Variants in TENM1 observed in about 807,000 individuals in gnomAD.
TENM1 encodes the protein teneurin transmembrane protein 1, also known as teneurin-1.
A neutral mutation model predicts 174.8 loss-of-function variants in TENM1; 35 were observed. The ratio of observed to expected loss-of-function variants is 0.20; its 90% CI spans 0.15 to 0.27. The LOEUF (loss-of-function observed/expected upper bound fraction) is 0.27, where lower values mean the gene tolerates loss of function less well. TENM1 is among the 10% of genes least tolerant of loss of function. TENM1 has a pLI of 1.00. For synonymous variants in TENM1, 781 were observed against 798.7 expected, an observed-to-expected ratio of 0.98 and a Z score of 0.37; for missense variants, 1,633 against 2,130.1, an observed-to-expected ratio of 0.77 and a Z score of 4.59.
the TENM1 span, among the ~76,000 whole-genome samples, chrX:125,004,219 C>T: frequency 9.0e-6 from 1 of 111,712 alleles, no homozygotes; most frequent in Non-Finnish European, 1.9e-5. Flanking sequence ...GGAACCCACT[C>T]CGAGCATTTC....
intron 3 of TENM1, among the ~76,000 whole-genome samples, chrX:124,816,203 G>T (rs191776432): frequency 9.0e-6 from 1 of 111,638 alleles, no homozygotes; most frequent in Non-Finnish European, 1.9e-5. Context: ...GAAGAAAGGA[G>T]ATGATAAAAT....
chrX:124,619,720 T>C (rs759651878), intron 11 of TENM1, among the ~76,000 whole-genome samples: 1 of 111,692 alleles, frequency 9.0e-6, no homozygotes, highest in Non-Finnish European at 1.9e-5. Flanking sequence ...TATGGAAGAG[T>C]GTAAAAAAGT....
intron 4 of TENM1, among the ~76,000 whole-genome samples, chrX:124,716,431 C>T (rs1029494060): frequency 2.7e-5 from 3 of 112,017 alleles, no homozygotes; most frequent in Non-Finnish European, 3.8e-5. Context: ...AAACTTTCCA[C>T]CCATGATCCC....
At chrX:124,923,439 AC>A (rs2058050603) in intron 1 of TENM1, among the ~76,000 whole-genome samples, 1 of 111,782 alleles carries the variant, frequency 8.9e-6, no homozygotes, top group Admixed American at 9.5e-5. Context: ...AAATTTGTCA[AC>A]CCATTTCCAT....
intron 11 of TENM1, among the ~76,000 whole-genome samples, chrX:124,638,799 C>T (rs1346744576): frequency 9.0e-6 from 1 of 111,591 alleles, no homozygotes; most frequent in South Asian, 3.8e-4. Flanking sequence ...ATAGCTGGCC[C>T]CTCTGCCCCA....
At chrX:124,467,138 G>C (rs7879039) in intron 22 of TENM1, among the ~76,000 whole-genome samples, 20,465 of 110,843 alleles carry the variant, frequency 0.18, 1,603 homozygotes, top group Non-Finnish European at 0.24. Context: ...AGTCTAATAA[G>C]CTTTTTGAAA....
intron 25 of TENM1, among the ~76,000 whole-genome samples, chrX:124,419,128 A>C (rs2060623731): frequency 8.9e-6 from 1 of 112,262 alleles, no homozygotes; most frequent in Non-Finnish European, 1.9e-5. Context: ...AATTACTTTC[A>C]AAAAACAGAG....
intron 20 of TENM1, among the ~76,000 whole-genome samples, chrX:124,494,789 T>C (rs990469962): frequency 2.1e-4 from 23 of 108,802 alleles, no homozygotes; most frequent in Non-Finnish European, 3.4e-4. Flanking sequence ...TGCGATAGTT[T>C]ACTGAGAATG....
At chrX:124,739,587 T>G (rs1401514367) in intron 3 of TENM1, among the ~76,000 whole-genome samples, 1 of 111,937 alleles carries the variant, frequency 8.9e-6, no homozygotes, top group African/African-American at 3.2e-5. Context: ...GAAATCCCAG[T>G]ACTCTGCCCA....
At chrX:124,554,754 G>T (rs1028611078) in intron 14 of TENM1, among the ~76,000 whole-genome samples, 4 of 111,707 alleles carry the variant, frequency 3.6e-5, no homozygotes, top group African/African-American at 1.3e-4. Context: ...ACTCACCCAT[G>T]GTGCTGTTTT....
chrX:124,784,268 G>GT (rs1326043404), intron 3 of TENM1, among the ~76,000 whole-genome samples: 1 of 111,194 alleles, frequency 9.0e-6, no homozygotes, highest in Non-Finnish European at 1.9e-5. Context: ...GCAGACCAGG[G>GT]TTTTAAAGTA....
At chrX:125,185,684 C>T in the TENM1 span, among the ~76,000 whole-genome samples, 618 of 111,971 alleles carry the variant, frequency 5.5e-3, 4 homozygotes, top group African/African-American at 0.019. Flanking sequence ...AAGGAGACAG[C>T]GGAATAAAGG....
intron 20 of TENM1, among the ~76,000 whole-genome samples, chrX:124,494,655 C>A (rs2047148574): frequency 9.3e-6 from 1 of 107,489 alleles, no homozygotes; most frequent in Non-Finnish European, 1.9e-5. Flanking sequence ...AATGCTATCC[C>A]TCCCCCCTTC....
intron 6 of TENM1, among the ~76,000 whole-genome samples, chrX:124,668,960 G>A (rs73543981): frequency 0.011 from 1,229 of 111,553 alleles, 16 homozygotes; most frequent in African/African-American, 0.038. Flanking sequence ...AAAACACTTC[G>A]ATCTCAAGAA....
intron 3 of TENM1, among the ~76,000 whole-genome samples, chrX:124,754,574 G>A (rs1256161150): frequency 1.8e-5 from 2 of 111,130 alleles, no homozygotes; most frequent in Non-Finnish European, 3.8e-5. Context: ...TTTTAATTGT[G>A]ATGTTAGGGT....
At chrX:124,559,194 G>T (rs909589101) in intron 14 of TENM1, among the ~76,000 whole-genome samples, 1 of 111,783 alleles carries the variant, frequency 8.9e-6, no homozygotes, top group Non-Finnish European at 1.9e-5. Context: ...TGTGTTTTCT[G>T]AGCATAACAT....
At chrX:125,002,061 G>T in the TENM1 span, among the ~76,000 whole-genome samples, 7 of 110,910 alleles carry the variant, frequency 6.3e-5, no homozygotes, top group Non-Finnish European at 1.3e-4. Context: ...CACAAATAGG[G>T]AGTATAAATG....
At chrX:125,110,837 A>C in the TENM1 span, among the ~76,000 whole-genome samples, 1 of 111,907 alleles carries the variant, frequency 8.9e-6, no homozygotes, top group Non-Finnish European at 1.9e-5. Context: ...TTAGAATCCT[A>C]CCATGGAAAT....
At chrX:124,916,776 TTC>T (rs376505358) in intron 1 of TENM1, among the ~76,000 whole-genome samples, 1,589 of 101,032 alleles carry the variant, frequency 0.016, 20 homozygotes, top group African/African-American at 0.049. Context: ...TTCACCCCCT[TTC>T]TCTCTCTCTC....
Sources: allele counts gnomAD v4.1 joint callset (sites outside exome capture counted in the v4.1 genomes callset), GRCh38; gene constraint gnomAD v4.1.1; transcripts MANE v1.5; gene names NCBI Gene and HGNC (gene_info 2026-07-23, HGNC 2026-07-21).